Variants in LUZP2 observed in about 807,000 individuals in gnomAD.
LUZP2 encodes the protein leucine zipper protein 2.
A neutral mutation model predicts 51.6 loss-of-function variants in LUZP2; 52 were observed. The observed-to-expected ratio is 1.01, with a 90% confidence interval of 0.81 to 1.27. LUZP2 has a LOEUF of 1.27. LUZP2 is among the 50% of genes most tolerant of loss of function. The pLI is 0.00. For missense variants in LUZP2, 436 were observed against 395.4 expected, an observed-to-expected ratio of 1.10 and a Z score of -0.87; for synonymous variants, 154 against 137.3, an observed-to-expected ratio of 1.12 and a Z score of -0.85.
chr11:24,596,950 T>A lies in LUZP2; in HGVS notation c.62+99645T>A, dbSNP rs1266206036. On this transcript the variant is annotated intron_variant, in intron 1 of 11. Transcript: ENST00000336930. ...GCTGAAGTGTCAAAATATGAAGAGG[T>A]TATGTCCAGTTGGTCTATGTGATCA... is the stretch of plus-strand genomic sequence containing the variant. Among the ~76,000 whole-genome samples, 3 of 152,184 alleles carry A rather than the reference T, an allele frequency of 2.0e-5. No homozygotes were observed. The East Asian group carries it at 5.8e-4, about 29-fold the overall frequency.
intron 5 of LUZP2, among the ~76,000 whole-genome samples, chr11:24,873,471 G>A (rs568314845): frequency 2.6e-5 from 4 of 152,210 alleles, no homozygotes; most frequent in African/African-American, 4.8e-5. Context: ...CTCAGTGTTC[G>A]GAGCAGCCAT....
Position 24,963,600 on chromosome 11 carries a change from T to A in LUZP2, c.523-12991T>A, listed in dbSNP as rs376370825. Among the ~76,000 whole-genome samples, 19 of 66,404 alleles carry A rather than the reference T, an allele frequency of 2.9e-4. No individual in the cohort carries two copies. In the South Asian group the frequency reaches 9.7e-3, roughly 34 times the overall value. The allele number at this position is 66,404 out of a possible 152,430, so 43.6% of individuals were successfully genotyped here. On this transcript the variant is annotated intron_variant, in intron 7 of 11. Coordinates refer to ENST00000336930, the MANE Select transcript of LUZP2 (RefSeq NM_001009909.4). ...CGGGATATAATCTCCTGGTGCGCCG[T>A]TTTTTAAGCCCGTCAGAAAGGCGCA...
chr11:24,714,738 C>T (rs1017918589), intron 1 of LUZP2, among the ~76,000 whole-genome samples: 4 of 152,112 alleles, frequency 2.6e-5, no homozygotes, highest in African/African-American at 9.7e-5. Context: ...ATTATTCAAA[C>T]ATTAAGAGAA....
intron 5 of LUZP2, among the ~76,000 whole-genome samples, chr11:24,834,202 C>T (rs1850789416): frequency 1.3e-5 from 2 of 152,038 alleles, no homozygotes; most frequent in African/African-American, 4.8e-5. Context: ...AGGTTTGAAG[C>T]ACCACATGCA....
At chr11:24,534,084 T>C (rs1275191218) in intron 1 of LUZP2, among the ~76,000 whole-genome samples, 1 of 151,334 alleles carries the variant, frequency 6.6e-6, no homozygotes, top group African/African-American at 2.4e-5. Context: ...TTTCCCTTTG[T>C]ATTTACAATT....
At chr11:24,936,604 G>A (rs1854595320) in intron 7 of LUZP2, among the ~76,000 whole-genome samples, 1 of 151,564 alleles carries the variant, frequency 6.6e-6, no homozygotes, top group Non-Finnish European at 1.5e-5. Context: ...GATCGTAGCT[G>A]TTTTATATAC....
intron 1 of LUZP2, among the ~76,000 whole-genome samples, chr11:24,559,126 A>T (rs759823057): frequency 1.3e-5 from 2 of 152,154 alleles, no homozygotes; most frequent in Non-Finnish European, 2.9e-5. Flanking sequence ...TCACATTATA[A>T]TGTATGGAAT....
At chr11:24,927,488 T>C (rs865860431) in intron 7 of LUZP2, among the ~76,000 whole-genome samples, 7 of 151,166 alleles carry the variant, frequency 4.6e-5, no homozygotes, top group African/African-American at 7.2e-5. Flanking sequence ...CTTATTTGTA[T>C]ATTAGGGTGT....
chr11:24,805,271 T>C (rs1264168981), intron 5 of LUZP2, among the ~76,000 whole-genome samples: 1 of 152,090 alleles, frequency 6.6e-6, no homozygotes, highest in Non-Finnish European at 1.5e-5. Flanking sequence ...TTGACTATCA[T>C]GAGAACAGCA....
chr11:24,744,026 TG>T (rs1172989884), intron 4 of LUZP2, among the ~76,000 whole-genome samples: 1 of 152,092 alleles, frequency 6.6e-6, no homozygotes, highest in East Asian at 1.9e-4. Context: ...TGTATTGACT[TG>T]TGTATGTTAT....
intron 9 of LUZP2, among the ~76,000 whole-genome samples, chr11:24,987,009 A>G (rs1346189847): frequency 6.6e-6 from 1 of 151,826 alleles, no homozygotes; most frequent in Non-Finnish European, 1.5e-5. Flanking sequence ...AAATTACTTA[A>G]CTTTTCTAAG....
chr11:24,587,313 A>G (rs902691269), intron 1 of LUZP2, among the ~76,000 whole-genome samples: 4 of 152,178 alleles, frequency 2.6e-5, no homozygotes, highest in African/African-American at 9.6e-5. Flanking sequence ...AAAGGAGAAT[A>G]CAGTGATGGT....
At chr11:24,938,411 TAGTC>T (rs1217565985) in intron 7 of LUZP2, among the ~76,000 whole-genome samples, 3 of 152,298 alleles carry the variant, frequency 2.0e-5, no homozygotes, top group African/African-American at 7.2e-5. Flanking sequence ...GTGGGAATAA[TAGTC>T]AGAAATTCTT....
At chr11:24,502,067 G>T (rs537184949) in intron 1 of LUZP2, among the ~76,000 whole-genome samples, 53 of 147,358 alleles carry the variant, frequency 3.6e-4, no homozygotes, top group African/African-American at 1.4e-3. Context: ...ACTTGAGAAG[G>T]TAACAGCCTT....
intron 5 of LUZP2, among the ~76,000 whole-genome samples, chr11:24,905,580 A>C (rs1853423344): frequency 6.6e-6 from 1 of 152,164 alleles, no homozygotes; most frequent in Non-Finnish European, 1.5e-5. Flanking sequence ...GCTCTAGACC[A>C]AATGGACCTC....
chr11:24,592,104 T>C (rs1853280509), intron 1 of LUZP2, among the ~76,000 whole-genome samples: 1 of 152,182 alleles, frequency 6.6e-6, no homozygotes, highest in South Asian at 2.1e-4. Flanking sequence ...TGTGGGTGCC[T>C]TTCAGATGAC....
intron 1 of LUZP2, among the ~76,000 whole-genome samples, chr11:24,625,234 T>C (rs1221651434): frequency 1.3e-5 from 2 of 151,942 alleles, no homozygotes; most frequent in Admixed American, 6.6e-5. Context: ...ATGTCACATA[T>C]ACAAAATGAA....
chr11:24,868,412 A>G (rs1167894526), intron 5 of LUZP2, among the ~76,000 whole-genome samples: 2 of 152,156 alleles, frequency 1.3e-5, no homozygotes, highest in Non-Finnish European at 2.9e-5. Flanking sequence ...GTTCTTTGTT[A>G]AAGATGCTAT....
intron 4 of LUZP2, among the ~76,000 whole-genome samples, chr11:24,739,805 A>T (rs1300865883): frequency 6.6e-6 from 1 of 152,104 alleles, no homozygotes; most frequent in African/African-American, 2.4e-5. Flanking sequence ...AAAGTACAAA[A>T]CTGTTTCATG....
Sources: allele counts gnomAD v4.1 joint callset (sites outside exome capture counted in the v4.1 genomes callset), GRCh38; gene constraint gnomAD v4.1.1; transcripts MANE v1.5; gene names NCBI Gene and HGNC (gene_info 2026-07-23, HGNC 2026-07-21).